SLC39A8: variants seen among roughly 807,000 people sequenced by gnomAD.
The protein encoded by SLC39A8 is metal cation symporter ZIP8.
Under a neutral mutation model 40.4 loss-of-function variants are expected in SLC39A8, and 15 were observed. The observed-to-expected ratio is 0.37, with a 90% CI of 0.25 to 0.57. The LOEUF (loss-of-function observed/expected upper bound fraction) is 0.57, where lower values mean the gene tolerates loss of function less well. Ranked by LOEUF, SLC39A8 falls within the 20% of genes least tolerant of loss-of-function variation. SLC39A8 has a pLI of 0.75. For synonymous variants in SLC39A8, 223 were observed against 221.6 expected (o/e 1.01, Z -0.06); for missense variants, 472 against 558.8 (o/e 0.84, Z 1.57).
intron 6 of SLC39A8, among the ~76,000 whole-genome samples, chr4:102,299,499 TG>T (rs1254162962): frequency 5.9e-5 from 9 of 151,982 alleles, no homozygotes; most frequent in Non-Finnish European, 1.2e-4. Context: ...GCCAAGTATA[TG>T]TTAAGTACTG....
intron 6 of SLC39A8, among the ~76,000 whole-genome samples, chr4:102,294,276 G>T (rs957001550): frequency 7.2e-5 from 11 of 151,948 alleles, no homozygotes; most frequent in Admixed American, 7.2e-4. Flanking sequence ...TTCTCAACCA[G>T]ACCTTCGACT....
At chr4:102,292,633 C>G (rs1455495457) in intron 6 of SLC39A8, among the ~76,000 whole-genome samples, 1 of 152,038 alleles carries the variant, frequency 6.6e-6, no homozygotes, top group Non-Finnish European at 1.5e-5. Flanking sequence ...TGACTTTGAA[C>G]CAAGTCTCCT....
At chr4:102,320,305 T>C (rs1302000418) in intron 2 of SLC39A8, among the ~76,000 whole-genome samples, 3 of 112,824 alleles carry the variant, frequency 2.7e-5, no homozygotes, top group South Asian at 6.2e-4. Flanking sequence ...AGAATATATA[T>C]ATGAGTATAT....
At chr4:102,305,456 T>C (rs186093274) in intron 4 of SLC39A8, among the ~76,000 whole-genome samples, 78 of 152,060 alleles carry the variant, frequency 5.1e-4, no homozygotes, top group African/African-American at 1.7e-3. Context: ...AATACGATAT[T>C]AGGTCTAGAT....
At chr4:102,323,557 T>C (rs1205554964) in intron 2 of SLC39A8, among the ~76,000 whole-genome samples, 6 of 152,226 alleles carry the variant, frequency 3.9e-5, no homozygotes, top group African/African-American at 1.2e-4. Context: ...ATAAATTTTA[T>C]AAGCAATAGT....
At chr4:102,330,239 T>G (rs1012005450) in intron 2 of SLC39A8, among the ~76,000 whole-genome samples, 2 of 152,132 alleles carry the variant, frequency 1.3e-5, no homozygotes, top group African/African-American at 4.8e-5. Flanking sequence ...AGGAGCTGGT[T>G]TTTTTGAAAA....
At chr4:102,341,148 C>T (rs1187229271) in intron 2 of SLC39A8, among the ~76,000 whole-genome samples, 2 of 151,866 alleles carry the variant, frequency 1.3e-5, no homozygotes, top group Admixed American at 6.6e-5. Flanking sequence ...AGGTTAAAAA[C>T]AGAACTTGGT....
chr4:102,263,021 AC>A lies in SLC39A8; in HGVS notation c.*22del. 6.3e-7 allele frequency: 1 copy of A among 1,586,304 alleles called. No individual in the cohort carries two copies. The highest frequency in any genetic ancestry group is 8.6e-7 in the Non-Finnish European group (1 of 1,163,816). ...TTTTATCTATTAAATGCCTTTATTA[AC>A]AACACCATCTTCCATTTTCTATTAC... On this transcript the variant is annotated 3_prime_UTR_variant, in exon 9 of 9. Coordinates refer to ENST00000356736, the MANE Select transcript of SLC39A8 (RefSeq NM_001135146.2).
chr4:102,259,738 A>G (rs1215179210), downstream of SLC39A8, among the ~76,000 whole-genome samples: 1 of 152,204 alleles, frequency 6.6e-6, no homozygotes, highest in African/African-American at 2.4e-5. Flanking sequence ...CTGCTTTACC[A>G]CATTTGGATG....
At chr4:102,280,733 C>G (rs1732835338) in intron 6 of SLC39A8, among the ~76,000 whole-genome samples, 1 of 152,144 alleles carries the variant, frequency 6.6e-6, no homozygotes. Flanking sequence ...AGGTAAAGCT[C>G]AAAACTATTT....
At chr4:102,308,724 G>C (rs1379150265) in intron 3 of SLC39A8, among the ~76,000 whole-genome samples, 1 of 152,084 alleles carries the variant, frequency 6.6e-6, no homozygotes, top group Non-Finnish European at 1.5e-5. Context: ...ATGTTTAAAT[G>C]GTGGGCCACT....
chr4:102,251,090 A>C (rs1318904931), exon 12 of SLC39A8: 1 of 152,204 alleles, frequency 6.6e-6, no homozygotes, highest in Non-Finnish European at 1.5e-5. Context: ...GCACATATTT[A>C]TGGGGTACAT....
exon 12 of SLC39A8, chr4:102,252,108 A>C (rs1731606023): frequency 6.6e-6 from 1 of 152,378 alleles, no homozygotes; most frequent in African/African-American, 2.4e-5. Flanking sequence ...GGCCCAAAAG[A>C]TAACTCCAGA....
chr4:102,309,886 C>A (rs1374207489), intron 3 of SLC39A8, among the ~76,000 whole-genome samples: 1 of 152,006 alleles, frequency 6.6e-6, no homozygotes, highest in Non-Finnish European at 1.5e-5. Flanking sequence ...TCACCTCTAG[C>A]CTCTCCATCC....
chr4:102,284,112 T>C (rs1321756271), intron 6 of SLC39A8, among the ~76,000 whole-genome samples: 1 of 152,244 alleles, frequency 6.6e-6, no homozygotes, highest in Non-Finnish European at 1.5e-5. Flanking sequence ...TTTTGTATTT[T>C]ATGTGTATAA....
At chr4:102,319,762 G>T (rs978650086) in intron 2 of SLC39A8, among the ~76,000 whole-genome samples, 1 of 151,960 alleles carries the variant, frequency 6.6e-6, no homozygotes, top group African/African-American at 2.4e-5. Context: ...CTGGCCACTG[G>T]CTTCCCAAAT....
At chr4:102,269,705 C>T (rs1323508276) in intron 6 of SLC39A8, 1 of 152,208 alleles carries the variant, frequency 6.6e-6, no homozygotes, top group Non-Finnish European at 1.5e-5. Context: ...CTACTACACA[C>T]ATATCGGGGA....
At chr4:102,288,044 C>A (rs1300368045) in intron 6 of SLC39A8, among the ~76,000 whole-genome samples, 1 of 152,038 alleles carries the variant, frequency 6.6e-6, no homozygotes, top group Non-Finnish European at 1.5e-5. Context: ...TACAGGCATA[C>A]CTCTTTTTCC....
intron 2 of SLC39A8, among the ~76,000 whole-genome samples, chr4:102,319,426 C>T (rs980133787): frequency 2.1e-4 from 32 of 152,062 alleles, no homozygotes; most frequent in African/African-American, 7.5e-4. Context: ...GGCCTCGACC[C>T]TAGCATCCAT....
Sources: gnomAD v4.1 joint callset for allele counts (sites outside exome capture counted in the v4.1 genomes callset) on GRCh38, gnomAD v4.1.1 for gene constraint, MANE v1.5 for transcripts, NCBI Gene and HGNC (gene_info 2026-07-23, HGNC 2026-07-21) for gene names.